Variants in HECW1 observed in about 807,000 individuals in gnomAD.
HECW1 encodes E3 ubiquitin-protein ligase HECW1.
A neutral mutation model predicts 182.3 loss-of-function variants in HECW1; 61 were observed. The ratio of observed to expected loss-of-function variants is 0.33; its 90% CI spans 0.27 to 0.41. HECW1 has a LOEUF of 0.41. Among genes scored for constraint, HECW1 ranks in the 10% least tolerant of loss-of-function variants. HECW1 has a pLI of 1.00. For synonymous variants in HECW1, 859 were observed against 832.6 expected, an observed-to-expected ratio of 1.03 and a Z score of -0.55; for missense variants, 1,739 against 2,108.9, an observed-to-expected ratio of 0.82 and a Z score of 3.44.
chr7:43,201,799 A>G (rs1315378352), intron 2 of HECW1, among the ~76,000 whole-genome samples: 1 of 152,216 alleles, frequency 6.6e-6, no homozygotes, highest in Non-Finnish European at 1.5e-5. Flanking sequence ...ACTAAACGAA[A>G]AAAATATATG....
rs539767441 is a variant in HECW1 at position 43,206,152 on chromosome 7, G to A, written c.-31-37723G>A. On this transcript the variant is annotated intron_variant, in intron 2 of 29. Coordinates refer to ENST00000395891, the MANE Select transcript of HECW1 (RefSeq NM_015052.5). ...AAATTAATGTACAGAGGAAACACAT[G>A]AACTAATACTTTTAGATGAGCTCCT... Among the ~76,000 whole-genome samples the A allele has an allele frequency of 1.3e-3, 202 of 152,268 alleles. 1 individual carries two copies. Among genetic ancestry groups the A allele is most frequent in the African/African-American group, 4.5e-3 (188 of 41,546 alleles).
At chr7:43,359,305 C>T (rs1815567861) in intron 5 of HECW1, among the ~76,000 whole-genome samples, 1 of 152,126 alleles carries the variant, frequency 6.6e-6, no homozygotes, top group Non-Finnish European at 1.5e-5. Flanking sequence ...TTTAGCTGGA[C>T]ATTATCAATC....
chr7:43,467,256 G>T (rs2077818085), intron 15 of HECW1, among the ~76,000 whole-genome samples: 1 of 152,278 alleles, frequency 6.6e-6, no homozygotes, highest in South Asian at 2.1e-4. Flanking sequence ...CCGAACTGAG[G>T]GAGGACAGAG....
At chr7:43,341,501 C>A (rs1812998431) in intron 5 of HECW1, among the ~76,000 whole-genome samples, 1 of 151,680 alleles carries the variant, frequency 6.6e-6, no homozygotes, top group Admixed American at 6.6e-5. Flanking sequence ...TCAGCTATCA[C>A]AATTACTTCA....
chr7:43,396,930 A>T, intron 7 of HECW1, 41 bp downstream of exon 7: 1 of 1,429,212 alleles, frequency 7.0e-7, no homozygotes, highest in South Asian at 1.1e-5. Flanking sequence ...GAGACTAAGA[A>T]TGTCAACCAA....
At chr7:43,154,965 C>T (rs1334405536) in intron 2 of HECW1, among the ~76,000 whole-genome samples, 2 of 152,156 alleles carry the variant, frequency 1.3e-5, no homozygotes, top group Non-Finnish European at 2.9e-5. Context: ...GTGCTCCTCC[C>T]CAATCTTGAA....
intron 3 of HECW1, among the ~76,000 whole-genome samples, chr7:43,308,249 TATATA>T (rs1286996114): frequency 0.067 from 7,524 of 112,120 alleles, 905 homozygotes; most frequent in South Asian, 0.091. Context: ...ATATAATATA[TATATA>T]TTATATGATA....
intron 2 of HECW1, among the ~76,000 whole-genome samples, chr7:43,224,618 C>T (rs2152704984): frequency 6.6e-6 from 1 of 152,288 alleles, no homozygotes; most frequent in East Asian, 1.9e-4. Context: ...CCAGGAGTTC[C>T]AGACCAGCCT....
intron 13 of HECW1, among the ~76,000 whole-genome samples, chr7:43,463,216 T>C (rs1231182648): frequency 6.6e-6 from 1 of 152,282 alleles, no homozygotes; most frequent in Non-Finnish European, 1.5e-5. Flanking sequence ...CCATGACCTC[T>C]GCCCAATTAT....
chr7:43,116,055 G>C (rs1785021013), intron 2 of HECW1, among the ~76,000 whole-genome samples: 1 of 152,142 alleles, frequency 6.6e-6, no homozygotes, highest in Non-Finnish European at 1.5e-5. Context: ...ATAGGCAGGA[G>C]GTAGGTAGGA....
At chr7:43,326,292 C>G (rs1007517863) in intron 5 of HECW1, among the ~76,000 whole-genome samples, 1 of 152,234 alleles carries the variant, frequency 6.6e-6, no homozygotes, top group East Asian at 1.9e-4. Context: ...ATGACTCCCC[C>G]CTTGACCATG....
intron 17 of HECW1, among the ~76,000 whole-genome samples, chr7:43,488,402 A>AAGGAAGGAAGGAAGGAAG (rs1563045413): frequency 9.7e-6 from 1 of 102,594 alleles, no homozygotes; most frequent in African/African-American, 4.1e-5. Context: ...AAGGAAGGAA[A>AAGGAAGGAAGGAAGGAAG]TGAAAGAAAG....
chr7:43,251,591 C>T (rs1327967999), intron 3 of HECW1, among the ~76,000 whole-genome samples: 1 of 152,236 alleles, frequency 6.6e-6, no homozygotes, highest in Non-Finnish European at 1.5e-5. Context: ...GCTGAGATTA[C>T]AGGCGTGAGC....
intron 6 of HECW1, among the ~76,000 whole-genome samples, chr7:43,367,016 G>A (rs181464856): frequency 2.0e-5 from 3 of 152,288 alleles, no homozygotes; most frequent in East Asian, 3.9e-4. Flanking sequence ...CACAAAGAGG[G>A]ACTTGGGGAA....
intron 24 of HECW1, 56 bp from the exon 25 acceptor site, chr7:43,541,107 A>T (rs2081348693): frequency 7.3e-7 from 1 of 1,367,918 alleles, no homozygotes; most frequent in Non-Finnish European, 1.0e-6. Flanking sequence ...GCAAACTAAA[A>T]TATTTAACAA....
intron 2 of HECW1, among the ~76,000 whole-genome samples, chr7:43,133,867 C>T (rs1314030828): frequency 6.6e-6 from 1 of 151,942 alleles, no homozygotes. Flanking sequence ...TGGATGAAAA[C>T]TTTATTTGTT....
chr7:43,300,125 TC>T (rs1806549043), intron 3 of HECW1, among the ~76,000 whole-genome samples: 1 of 152,240 alleles, frequency 6.6e-6, no homozygotes, highest in African/African-American at 2.4e-5. Flanking sequence ...GGGTTAATTC[TC>T]CTCCTTATCC....
At chr7:43,287,132 G>T (rs548264607) in intron 3 of HECW1, among the ~76,000 whole-genome samples, 3 of 152,138 alleles carry the variant, frequency 2.0e-5, no homozygotes, top group Non-Finnish European at 4.4e-5. Flanking sequence ...ATAAACTAAC[G>T]GAGTGTATGT....
chr7:43,501,698 G>T (rs2079367264), intron 21 of HECW1, among the ~76,000 whole-genome samples: 1 of 152,088 alleles, frequency 6.6e-6, no homozygotes, highest in African/African-American at 2.4e-5. Context: ...AAGTGAGGTA[G>T]CATGTGCCTG....
Sources: gnomAD v4.1 joint callset for allele counts (sites outside exome capture counted in the v4.1 genomes callset) on GRCh38, gnomAD v4.1.1 for gene constraint, MANE v1.5 for transcripts, NCBI Gene and HGNC (gene_info 2026-07-23, HGNC 2026-07-21) for gene names.